The following DPP10 variants were observed in gnomAD, a reference collection of about 807,000 sequenced individuals.
DPP10 encodes the protein inactive dipeptidyl peptidase 10.
A neutral mutation model predicts 120.9 loss-of-function variants in DPP10; 33 were observed. The observed-to-expected ratio is 0.27, with a 90% CI of 0.21 to 0.37. The LOEUF is 0.37. Among genes scored for constraint, DPP10 ranks in the 10% least tolerant of loss-of-function variants. The probability of loss-of-function intolerance (pLI) is 1.00; values close to 1 mark genes in which losing one functional copy is unlikely to be tolerated. For synonymous variants in DPP10, 337 were observed against 326.1 expected (o/e 1.03, Z -0.36); for missense variants, 816 against 942.8 (o/e 0.87, Z 1.76).
intron 1 of DPP10, among the ~76,000 whole-genome samples, chr2:114,755,358 A>G (rs1161594929): frequency 2.6e-5 from 4 of 152,194 alleles, no homozygotes; most frequent in Non-Finnish European, 5.9e-5. Flanking sequence ...CAATGGCACA[A>G]TCATGGCTTA....
chr2:115,797,293 T>G (rs776140293), intron 19 of DPP10, among the ~76,000 whole-genome samples: 11 of 152,048 alleles, frequency 7.2e-5, no homozygotes, highest in Non-Finnish European at 1.5e-4. Flanking sequence ...TGTATTTGTT[T>G]CATAGATTCC....
At chr2:115,125,479 G>A (rs58962358) in intron 1 of DPP10, among the ~76,000 whole-genome samples, 19,706 of 149,762 alleles carry the variant, frequency 0.13, 2,363 homozygotes, top group African/African-American at 0.33. Context: ...TTTGAAATCA[G>A]AAAAATTAGA....
At chr2:114,553,533 CA>C in intron 1 of DPP10, among the ~76,000 whole-genome samples, 1 of 152,296 alleles carries the variant, frequency 6.6e-6, no homozygotes, top group East Asian at 1.9e-4. Flanking sequence ...GAGTTTACAT[CA>C]GGGGGATTCA....
intron 5 of DPP10, among the ~76,000 whole-genome samples, chr2:115,623,140 C>T (rs148342823): frequency 0.011 from 1,730 of 152,158 alleles, 30 homozygotes; most frequent in African/African-American, 0.04. Context: ...CCACCGTGCC[C>T]GGCTCCATTC....
chr2:115,714,568 A>G (rs950285463), intron 7 of DPP10, among the ~76,000 whole-genome samples: 3 of 152,116 alleles, frequency 2.0e-5, no homozygotes, highest in Non-Finnish European at 4.4e-5. Context: ...TAATTCTTTT[A>G]CATTTGTATC....
chr2:115,110,559 G>GT (rs2049164333), intron 1 of DPP10, among the ~76,000 whole-genome samples: 1 of 151,920 alleles, frequency 6.6e-6, no homozygotes, highest in Non-Finnish European at 1.5e-5. Flanking sequence ...TATTTAAATA[G>GT]TTTTTTGATG....
chr2:115,596,362 A>G (rs546285485), intron 5 of DPP10, among the ~76,000 whole-genome samples: 6 of 152,212 alleles, frequency 3.9e-5, no homozygotes, highest in African/African-American at 1.4e-4. Flanking sequence ...GTGAGGTAAA[A>G]TTTTTATTTT....
intron 1 of DPP10, among the ~76,000 whole-genome samples, chr2:114,986,252 T>G (rs1700382981): frequency 6.6e-6 from 1 of 152,216 alleles, no homozygotes; most frequent in Non-Finnish European, 1.5e-5. Flanking sequence ...TCCCACAAAC[T>G]TCTAAAAGCA....
At chr2:115,621,774 G>C (rs750754592) in intron 5 of DPP10, among the ~76,000 whole-genome samples, 2 of 152,148 alleles carry the variant, frequency 1.3e-5, no homozygotes, top group Non-Finnish European at 2.9e-5. Context: ...CCGCCTCCCA[G>C]GTTCAAGCAA....
intron 1 of DPP10, among the ~76,000 whole-genome samples, chr2:114,821,682 G>A (rs1686098318): frequency 6.6e-6 from 1 of 152,170 alleles, no homozygotes; most frequent in Non-Finnish European, 1.5e-5. Context: ...TGGGGTACAG[G>A]CATTGGTTAA....
At chr2:114,473,517 T>C (rs1027741373) in intron 1 of DPP10, among the ~76,000 whole-genome samples, 1 of 152,236 alleles carries the variant, frequency 6.6e-6, no homozygotes, top group African/African-American at 2.4e-5. Flanking sequence ...AAACAGCAGC[T>C]GTACTTTTAG....
At chr2:114,954,089 T>TTG (rs1354961916) in intron 1 of DPP10, among the ~76,000 whole-genome samples, 1 of 148,428 alleles carries the variant, frequency 6.7e-6, no homozygotes, top group Non-Finnish European at 1.5e-5. Context: ...CCTTTTTTTT[T>TTG]TTTTTTTTTG....
At chr2:114,581,543 T>C (rs1429471546) in intron 1 of DPP10, among the ~76,000 whole-genome samples, 1 of 152,226 alleles carries the variant, frequency 6.6e-6, no homozygotes, top group Non-Finnish European at 1.5e-5. Context: ...GGAGATTCAA[T>C]GGACTTTTCT....
At chr2:115,793,041 A>G (rs1684163793) in intron 19 of DPP10, among the ~76,000 whole-genome samples, 1 of 152,220 alleles carries the variant, frequency 6.6e-6, no homozygotes, top group Non-Finnish European at 1.5e-5. Context: ...TCTGAAACAG[A>G]TAAGCTAACT....
chr2:115,537,356 G>A (rs576258823), intron 5 of DPP10, among the ~76,000 whole-genome samples: 1 of 151,956 alleles, frequency 6.6e-6, no homozygotes, highest in Non-Finnish European at 1.5e-5. Context: ...CTTGCACATG[G>A]GGAGGCCACA....
intron 1 of DPP10, among the ~76,000 whole-genome samples, chr2:114,478,228 A>C (rs1680692137): frequency 6.6e-6 from 1 of 152,146 alleles, no homozygotes; most frequent in Non-Finnish European, 1.5e-5. Context: ...AGTGTGATCA[A>C]GTGAGATTTA....
intron 1 of DPP10, among the ~76,000 whole-genome samples, chr2:114,569,625 T>C (rs1302495034): frequency 6.6e-6 from 1 of 152,164 alleles, no homozygotes; most frequent in Non-Finnish European, 1.5e-5. Flanking sequence ...ATATTTTGCA[T>C]TGCACTGTAT....
At chr2:115,459,635 C>T (rs959389707) in intron 3 of DPP10, among the ~76,000 whole-genome samples, 2 of 151,866 alleles carry the variant, frequency 1.3e-5, no homozygotes, top group Non-Finnish European at 2.9e-5. Context: ...CCTTAACTGA[C>T]TACTCTCTAG....
intron 3 of DPP10, among the ~76,000 whole-genome samples, chr2:115,499,063 T>G (rs2076550564): frequency 1.3e-5 from 2 of 152,024 alleles, no homozygotes; most frequent in Admixed American, 6.6e-5. Context: ...ATTGGATCCA[T>G]AAATAGGTCT....
Sources: allele counts gnomAD v4.1 joint callset (sites outside exome capture counted in the v4.1 genomes callset), GRCh38; gene constraint gnomAD v4.1.1; transcripts MANE v1.5; gene names NCBI Gene and HGNC (gene_info 2026-07-23, HGNC 2026-07-21).